The following SLC35E2B variants were observed in gnomAD, a reference collection of about 807,000 sequenced individuals.
SLC35E2B encodes solute carrier family 35 member E2B.
In SLC35E2B, 18 loss-of-function variants were observed where a neutral mutation model predicts 32.4. The observed-to-expected ratio is 0.56, with a 90% CI of 0.38 to 0.82. The LOEUF (loss-of-function observed/expected upper bound fraction) is 0.82, where lower values mean the gene tolerates loss of function less well. SLC35E2B is among the 40% of genes least tolerant of loss of function. The pLI is 0.00. For synonymous variants in SLC35E2B, 132 were observed against 209.1 expected, an observed-to-expected ratio of 0.63 and a Z score of 3.18; for missense variants, 263 against 469.5, an observed-to-expected ratio of 0.56 and a Z score of 4.06.
chr1:1,665,971 G>T lies in SLC35E2B; in HGVS notation c.1029C>A (p.Ile343=). The T allele has an allele frequency of 6.4e-7, 1 of 1,551,538 alleles. No individual in the cohort carries two copies. Among genetic ancestry groups the T allele is most frequent in the South Asian group, 1.2e-5 (1 of 84,050 alleles). ...KHALSIWLSV[I]VFGNKITSLS... is the part of the protein sequence containing the mutation. ...AGCTGGTGATCTTGTTGCCGAAAAC[G>T]ATTACGCTGAGCCAGATGGACAAGG... The change falls in exon 10 of 10, where the codon ATC becomes ATA. Residue 343 remains isoleucine, a synonymous_variant. Coordinates refer to ENST00000617444, the MANE Select transcript of SLC35E2B (RefSeq NM_001290264.2).
chr1:1,674,089 G>A (rs1344550340), intron 5 of SLC35E2B: 2 of 172,778 alleles, frequency 1.2e-5, no homozygotes, highest in African/African-American at 4.8e-5. Flanking sequence ...AAGTTCACTG[G>A]TAAGTATGTC....
intron 5 of SLC35E2B, among the ~76,000 whole-genome samples, chr1:1,675,193 C>A (rs1377091100): frequency 8.2e-6 from 1 of 121,558 alleles, no homozygotes; most frequent in African/African-American, 2.6e-5. Flanking sequence ...GGAATCTGCC[C>A]AGCCCCCACC....
At chr1:1,687,563 C>T (rs374555416) in intron 2 of SLC35E2B, among the ~76,000 whole-genome samples, 1 of 152,212 alleles carries the variant, frequency 6.6e-6, no homozygotes, top group East Asian at 1.9e-4. Flanking sequence ...GAAACCCCAT[C>T]TCTACTAAAA....
intron 2 of SLC35E2B, among the ~76,000 whole-genome samples, chr1:1,679,220 G>A (rs186996196): frequency 7.6e-4 from 116 of 152,310 alleles, no homozygotes; most frequent in Non-Finnish European, 1.1e-3. Context: ...GTGGGCTCGG[G>A]CGTGTGCAGA....
chr1:1,684,650 C>T (rs1570343850), intron 2 of SLC35E2B, among the ~76,000 whole-genome samples: 1 of 151,908 alleles, frequency 6.6e-6, no homozygotes, highest in South Asian at 2.1e-4. Flanking sequence ...ATTAGCTGGG[C>T]GTGGTGGTGG....
intron 2 of SLC35E2B, among the ~76,000 whole-genome samples, chr1:1,677,439 T>C (rs1010546276): frequency 9.2e-5 from 14 of 151,628 alleles, no homozygotes; most frequent in South Asian, 2.1e-4. Flanking sequence ...GCTGCCGCTG[T>C]CGGGTGCCCA....
intron 2 of SLC35E2B, among the ~76,000 whole-genome samples, chr1:1,682,570 C>T (rs1281168286): frequency 2.0e-5 from 3 of 152,012 alleles, no homozygotes; most frequent in East Asian, 1.9e-4. Context: ...GTCAGCTGTG[C>T]GGGAAGCACC....
At chr1:1,683,193 G>A (rs1439750520) in intron 2 of SLC35E2B, among the ~76,000 whole-genome samples, 10 of 152,280 alleles carry the variant, frequency 6.6e-5, no homozygotes. Flanking sequence ...TCCACGTTGA[G>A]CAATTCTCCA....
intron 2 of SLC35E2B, among the ~76,000 whole-genome samples, chr1:1,690,152 T>G (rs1387043333): frequency 1.3e-5 from 2 of 149,772 alleles, no homozygotes; most frequent in African/African-American, 4.9e-5. Context: ...TGGTGGCACA[T>G]GCCTTTAACC....
At chr1:1,673,028 C>G (rs778437029) in intron 5 of SLC35E2B, 2 of 157,354 alleles carry the variant, frequency 1.3e-5, no homozygotes, top group African/African-American at 4.8e-5. Context: ...TTGCATGGCT[C>G]GATGCGCAAT....
intron 7 of SLC35E2B, 129 bp downstream of exon 7, chr1:1,669,969 G>C: frequency 2.1e-6 from 2 of 931,914 alleles, no homozygotes; most frequent in Non-Finnish European, 3.4e-6. Flanking sequence ...GCTTAGACAG[G>C]GTACTTGTAA....
chr1:1,677,229 AG>A (rs1300164314), intron 2 of SLC35E2B, among the ~76,000 whole-genome samples: 1 of 126,142 alleles, frequency 7.9e-6, no homozygotes, highest in Non-Finnish European at 1.7e-5. Context: ...CTCTGTCTCA[AG>A]AAAAGAAAAA....
At chr1:1,671,876 C>A (rs1643703773) in intron 5 of SLC35E2B, 2 of 334,906 alleles carry the variant, frequency 6.0e-6, no homozygotes, top group South Asian at 1.1e-4. Context: ...AGAGACTGAG[C>A]CCCAGCCATG....
chr1:1,687,559 C>T (rs1643967113), intron 2 of SLC35E2B, among the ~76,000 whole-genome samples: 1 of 152,068 alleles, frequency 6.6e-6, no homozygotes, highest in South Asian at 2.1e-4. Flanking sequence ...TAATGAAACC[C>T]CATCTCTACT....
At position 1,662,830 on chromosome 1, in the gene SLC35E2B, C is replaced by G. The variant is rs892994150; in HGVS notation, c.*2952G>C. On this transcript the variant is annotated 3_prime_UTR_variant, in exon 10 of 10. Coordinates refer to ENST00000617444, the MANE Select transcript of SLC35E2B (RefSeq NM_001290264.2). ...CAAAAGCACAGACCACGACCATGGA[C>G]ACACCCAGTGGAAGTAACCACACCT... 1.3e-4 allele frequency: 109 copies of G among 819,606 alleles called. 14 individuals are homozygous for G. Among genetic ancestry groups the G allele is most frequent in the Non-Finnish European group, 1.5e-4 (101 of 676,116 alleles). 50.8% of individuals were successfully genotyped at this position (819,606 alleles called of 1,614,324 possible). A position where few individuals can be genotyped will look rare whatever the true frequency, so the allele number is the denominator to read the frequency against.
At chr1:1,668,916 G>A (rs377338873) in intron 8 of SLC35E2B, among the ~76,000 whole-genome samples, 19 of 151,720 alleles carry the variant, frequency 1.3e-4, no homozygotes, top group African/African-American at 3.9e-4. Flanking sequence ...ACTTAAACCC[G>A]GGAGGCAGAG....
chr1:1,681,290 T>C (rs1207374814), intron 2 of SLC35E2B, among the ~76,000 whole-genome samples: 2 of 150,744 alleles, frequency 1.3e-5, no homozygotes, highest in East Asian at 2.0e-4. Context: ...CTCTGCCTCC[T>C]GGGTTCACAC....
At chr1:1,668,620 T>A in intron 8 of SLC35E2B, 148 bp from the exon 9 acceptor site, 2 of 1,484,486 alleles carry the variant, frequency 1.3e-6, no homozygotes, top group Non-Finnish European at 1.8e-6. Context: ...AGCGGACAGC[T>A]GGACTGTGCA....
intron 2 of SLC35E2B, among the ~76,000 whole-genome samples, chr1:1,678,564 C>T (rs1570334800): frequency 6.6e-6 from 1 of 152,116 alleles, no homozygotes; most frequent in Non-Finnish European, 1.5e-5. Context: ...TGCCCTGACC[C>T]CTCGGTGCAC....
Sources: allele counts gnomAD v4.1 joint callset (sites outside exome capture counted in the v4.1 genomes callset), GRCh38; gene constraint gnomAD v4.1.1; transcripts MANE v1.5; gene names NCBI Gene and HGNC (gene_info 2026-07-23, HGNC 2026-07-21).